The following CTNNA3 variants were observed in gnomAD, a reference collection of about 807,000 sequenced individuals.
CTNNA3 encodes the protein catenin alpha-3.
Under a neutral mutation model 95.7 loss-of-function variants are expected in CTNNA3, and 76 were observed. That is an observed-to-expected ratio of 0.79 (90% CI 0.66 to 0.96). CTNNA3 has a LOEUF of 0.96. Ranked by LOEUF, CTNNA3 falls within the 40% of genes least tolerant of loss-of-function variation. The pLI, the probability that CTNNA3 is intolerant of heterozygous loss-of-function variation, is 0.00. For synonymous variants in CTNNA3, 431 were observed against 374.4 expected, an observed-to-expected ratio of 1.15 and a Z score of -1.74; for missense variants, 1,191 against 1,089.8, an observed-to-expected ratio of 1.09 and a Z score of -1.31.
At chr10:66,331,639 C>T (rs2132321706) in intron 12 of CTNNA3, among the ~76,000 whole-genome samples, 1 of 152,028 alleles carries the variant, frequency 6.6e-6, no homozygotes, top group Non-Finnish European at 1.5e-5. Flanking sequence ...TCTGAGGGCT[C>T]TGTTCTGTTC....
At chr10:65,960,333 G>A (rs921203369) in intron 17 of CTNNA3, among the ~76,000 whole-genome samples, 2 of 151,896 alleles carry the variant, frequency 1.3e-5, no homozygotes, top group Admixed American at 1.3e-4. Context: ...TCAGGAGGTC[G>A]AGACCACGGT....
intron 7 of CTNNA3, among the ~76,000 whole-genome samples, chr10:66,997,092 T>A (rs376529697): frequency 1.7e-3 from 265 of 152,308 alleles, no homozygotes; most frequent in African/African-American, 5.5e-3. Context: ...TTAGATGTGA[T>A]GGCAAGAATA....
At chr10:66,547,532 C>T (rs916257318) in intron 10 of CTNNA3, among the ~76,000 whole-genome samples, 20 of 150,826 alleles carry the variant, frequency 1.3e-4, no homozygotes, top group South Asian at 2.1e-4. Flanking sequence ...TTAGTAGAGA[C>T]GGGGTTTCAC....
chr10:67,583,665 G>T (rs1842503808), intron 3 of CTNNA3, among the ~76,000 whole-genome samples: 1 of 152,152 alleles, frequency 6.6e-6, no homozygotes, highest in Non-Finnish European at 1.5e-5. Flanking sequence ...TTCCAACTTG[G>T]TTCCATTCTC....
chr10:66,780,269 A>G lies in CTNNA3; in HGVS notation c.1048-4745T>C, dbSNP rs530663558. ...TCAAACCGGCTGTGGAGTCTGCACA[A>G]TGGATTTGAGGAGATGACAAGCAGA... On this transcript the variant is annotated intron_variant, in intron 7 of 17. Coordinates refer to ENST00000433211, the MANE Select transcript of CTNNA3 (RefSeq NM_013266.4). Among the ~76,000 whole-genome samples the G allele has an allele frequency of 7.2e-5, 11 of 152,190 alleles. No individual in the cohort carries two copies. The East Asian group carries it at 2.1e-3, about 30-fold the overall frequency.
At chr10:67,389,881 C>A (rs1844380156) in intron 5 of CTNNA3, among the ~76,000 whole-genome samples, 1 of 151,386 alleles carries the variant, frequency 6.6e-6, no homozygotes, top group Admixed American at 6.6e-5. Flanking sequence ...ACACAACATA[C>A]CAGAATCTCT....
chr10:66,364,665 T>C (rs1245970936), intron 12 of CTNNA3, among the ~76,000 whole-genome samples: 3 of 152,168 alleles, frequency 2.0e-5, no homozygotes, highest in East Asian at 1.9e-4. Context: ...AGTAAAATAA[T>C]GTACAGAGGA....
At chr10:67,695,522 T>C (rs934255877) in intron 1 of CTNNA3, among the ~76,000 whole-genome samples, 1 of 152,214 alleles carries the variant, frequency 6.6e-6, no homozygotes, top group Non-Finnish European at 1.5e-5. Flanking sequence ...ATAAAACAAA[T>C]AGACATTAAA....
At chr10:66,374,959 G>C (rs902292314) in intron 12 of CTNNA3, among the ~76,000 whole-genome samples, 2 of 152,002 alleles carry the variant, frequency 1.3e-5, no homozygotes, top group Admixed American at 6.6e-5. Context: ...AGTTCATCAA[G>C]AGCATATACT....
rs532917343 is a variant in CTNNA3, at chr10:66,348,556, T to A, written c.1732+30596A>T. On this transcript the variant is annotated intron_variant, in intron 12 of 17. Coordinates refer to ENST00000433211, the MANE Select transcript of CTNNA3 (RefSeq NM_013266.4). ...TATCTTGTAGGTCAAAAAAGTTGAATATCAGTCATTTCACTTGGGTCAACT... is the reference window on the plus strand; with the variant it reads ...TATCTTGTAGGTCAAAAAAGTTGAAAATCAGTCATTTCACTTGGGTCAACT... 5.9e-5 allele frequency among the ~76,000 whole-genome samples: 9 copies of A among 152,260 alleles called. No individual in the cohort carries two copies. The East Asian group carries it at 1.7e-3, about 29-fold the overall frequency.
At chr10:66,296,293 G>A (rs1464956841) in intron 12 of CTNNA3, among the ~76,000 whole-genome samples, 1 of 152,024 alleles carries the variant, frequency 6.6e-6, no homozygotes, top group Non-Finnish European at 1.5e-5. Context: ...AAAACTATAT[G>A]ATTTCTATTG....
At chr10:66,237,320 T>C (rs908435752) in intron 13 of CTNNA3, among the ~76,000 whole-genome samples, 2 of 152,310 alleles carry the variant, frequency 1.3e-5, no homozygotes, top group Middle Eastern at 3.4e-3. Flanking sequence ...TCTTATAGCA[T>C]TCTGTGGCTT....
chr10:67,556,975 A>G (rs2133244650), intron 3 of CTNNA3, among the ~76,000 whole-genome samples: 1 of 152,252 alleles, frequency 6.6e-6, no homozygotes, highest in Non-Finnish European at 1.5e-5. Flanking sequence ...CATTGGTTTC[A>G]CAGAATATCT....
At chr10:66,865,554 T>A (rs1187700329) in intron 7 of CTNNA3, among the ~76,000 whole-genome samples, 1 of 152,130 alleles carries the variant, frequency 6.6e-6, no homozygotes, top group Non-Finnish European at 1.5e-5. Context: ...CATATTTTCA[T>A]AATTATACTT....
intron 11 of CTNNA3, among the ~76,000 whole-genome samples, chr10:66,446,483 AGTGGGCTTCATCC>A (rs1433339772): frequency 1.3e-5 from 2 of 151,528 alleles, no homozygotes; most frequent in Non-Finnish European, 2.9e-5. Context: ...ACCATGATCA[AGTGGGCTTCATCC>A]CTGGGATGCA....
intron 13 of CTNNA3, among the ~76,000 whole-genome samples, chr10:66,219,759 A>C (rs563727238): frequency 6.6e-6 from 1 of 152,244 alleles, no homozygotes; most frequent in East Asian, 1.9e-4. Flanking sequence ...TAAATGTCCT[A>C]TTTTCAAGCC....
At chr10:67,489,995 G>T (rs1848591444) in intron 5 of CTNNA3, among the ~76,000 whole-genome samples, 1 of 151,884 alleles carries the variant, frequency 6.6e-6, no homozygotes, top group Non-Finnish European at 1.5e-5. Flanking sequence ...CTCATCACAG[G>T]TATCTTTAAC....
chr10:66,633,631 G>A (rs1034863710), intron 9 of CTNNA3, among the ~76,000 whole-genome samples: 1 of 151,966 alleles, frequency 6.6e-6, no homozygotes, highest in Non-Finnish European at 1.5e-5. Context: ...AGTGAGCCGA[G>A]ATCCTGCCAC....
chr10:66,425,734 T>C (rs969917622), intron 11 of CTNNA3, among the ~76,000 whole-genome samples: 1 of 152,000 alleles, frequency 6.6e-6, no homozygotes, highest in Non-Finnish European at 1.5e-5. Flanking sequence ...ACACACATGC[T>C]TTTTATCAAA....
Sources: gnomAD v4.1 joint callset for allele counts (sites outside exome capture counted in the v4.1 genomes callset) on GRCh38, gnomAD v4.1.1 for gene constraint, MANE v1.5 for transcripts, NCBI Gene and HGNC (gene_info 2026-07-23, HGNC 2026-07-21) for gene names.